NPAS3: variants seen among roughly 807,000 people sequenced by gnomAD.
NPAS3 encodes the protein neuronal PAS domain protein 3.
A neutral mutation model predicts 73.1 loss-of-function variants in NPAS3; 14 were observed. That is an observed-to-expected ratio of 0.19 (90% CI 0.13 to 0.30). The LOEUF is 0.30. Ranked by LOEUF, NPAS3 falls within the 10% of genes least tolerant of loss-of-function variation. The probability of loss-of-function intolerance (pLI) is 1.00; values close to 1 mark genes in which losing one functional copy is unlikely to be tolerated. For synonymous variants in NPAS3, 620 were observed against 541.5 expected, an observed-to-expected ratio of 1.14 and a Z score of -2.01; for missense variants, 1,096 against 1,250.0, an observed-to-expected ratio of 0.88 and a Z score of 1.86.
At chr14:33,582,265 A>C (rs1217184927) in intron 5 of NPAS3, 1 of 152,194 alleles carries the variant, frequency 6.6e-6, no homozygotes, top group African/African-American at 2.4e-5. Flanking sequence ...TTTTTAATAA[A>C]TTGAAGGTGA....
intron 1 of NPAS3, among the ~76,000 whole-genome samples, chr14:33,000,860 C>A (rs945516950): frequency 2.0e-5 from 3 of 152,006 alleles, no homozygotes; most frequent in African/African-American, 7.3e-5. Context: ...CCAGGAAGGA[C>A]AAGGATTAGT....
At chr14:33,494,680 G>A (rs1407129887) in intron 4 of NPAS3, among the ~76,000 whole-genome samples, 3 of 152,044 alleles carry the variant, frequency 2.0e-5, no homozygotes, top group Admixed American at 6.6e-5. Flanking sequence ...TGCTATTACT[G>A]TTGTTTAAAC....
At chr14:33,060,623 C>T (rs2041062960) in intron 2 of NPAS3, among the ~76,000 whole-genome samples, 2 of 152,160 alleles carry the variant, frequency 1.3e-5, no homozygotes, top group South Asian at 2.1e-4. Context: ...TTTTCCAAGC[C>T]CCTTTTTCTC....
At position 33,050,580 on chromosome 14, in the gene NPAS3, G is replaced by A. The variant is rs140042248; in HGVS notation, c.51-5325G>A. The stretch of plus-strand genomic sequence containing the variant: ...AATGACAGAAAAATTCATTTATGAA[G>A]CAAATTTATTCTGATAAATGTTATA... On this transcript the variant is annotated intron_variant, in intron 1 of 11. Transcript: ENST00000356141. Among the ~76,000 whole-genome samples, 6 of 152,268 alleles carry A rather than the reference G, an allele frequency of 3.9e-5. No individual in the cohort carries two copies. The East Asian group carries it at 1.2e-3, about 29-fold the overall frequency.
intron 4 of NPAS3, among the ~76,000 whole-genome samples, chr14:33,494,088 G>A (rs1019040756): frequency 1.3e-5 from 2 of 152,108 alleles, no homozygotes; most frequent in African/African-American, 2.4e-5. Context: ...CTCCACAGTA[G>A]TGTCCTACAT....
At chr14:32,939,886 C>G (rs2035908958) in intron 1 of NPAS3, among the ~76,000 whole-genome samples, 1 of 151,890 alleles carries the variant, frequency 6.6e-6, no homozygotes, top group African/African-American at 2.4e-5. Flanking sequence ...GCGCCAGGCC[C>G]GGAATGTGTC....
chr14:33,330,840 T>G (rs1257980222), intron 3 of NPAS3, among the ~76,000 whole-genome samples: 3 of 152,226 alleles, frequency 2.0e-5, no homozygotes, highest in African/African-American at 7.2e-5. Context: ...GCTTGCAATT[T>G]ATAATTTCCA....
intron 6 of NPAS3, among the ~76,000 whole-genome samples, chr14:33,731,338 G>T (rs2061393397): frequency 6.6e-6 from 1 of 150,776 alleles, no homozygotes; most frequent in Non-Finnish European, 1.5e-5. Context: ...AGAATCGCCT[G>T]AGTCCAGGAG....
intron 5 of NPAS3, among the ~76,000 whole-genome samples, chr14:33,633,506 A>G (rs1188512388): frequency 1.3e-5 from 2 of 152,208 alleles, no homozygotes; most frequent in Non-Finnish European, 2.9e-5. Flanking sequence ...GGCATAGCCT[A>G]CTACACACCT....
At chr14:33,567,940 C>T (rs1249472505) in intron 5 of NPAS3, among the ~76,000 whole-genome samples, 3 of 152,178 alleles carry the variant, frequency 2.0e-5, no homozygotes, top group Admixed American at 6.5e-5. Context: ...AGTTTGTGCA[C>T]AGCGAGCTGT....
At chr14:33,576,150 G>T (rs1332818584) in intron 5 of NPAS3, among the ~76,000 whole-genome samples, 1 of 152,194 alleles carries the variant, frequency 6.6e-6, no homozygotes, top group Non-Finnish European at 1.5e-5. Flanking sequence ...TCCAGCTGAG[G>T]TTATAATGTG....
At chr14:33,565,695 T>A (rs1433716112) in intron 5 of NPAS3, among the ~76,000 whole-genome samples, 1 of 152,128 alleles carries the variant, frequency 6.6e-6, no homozygotes, top group African/African-American at 2.4e-5. Flanking sequence ...CCTAAAGAGC[T>A]GGAATATAAA....
chr14:33,218,954 G>A (rs984853546), intron 3 of NPAS3, among the ~76,000 whole-genome samples: 13 of 152,130 alleles, frequency 8.5e-5, no homozygotes, highest in Non-Finnish European at 1.6e-4. Context: ...TATGTAATAT[G>A]TCCCAAGTCA....
Position 33,654,554 on chromosome 14 carries a change from T to C in NPAS3, c.559-21657T>C, listed in dbSNP as rs187142080. ...CCCAAAAATTTAGGCTCTGCAGCTCTAAGTAAAGACGCATTCCAAATAATA... is the reference window on the plus strand; with the variant it reads ...CCCAAAAATTTAGGCTCTGCAGCTCCAAGTAAAGACGCATTCCAAATAATA... On this transcript the variant is annotated intron_variant, in intron 5 of 11. Transcript: ENST00000356141. Among the ~76,000 whole-genome samples, 445 of 152,308 alleles carry C rather than the reference T, an allele frequency of 2.9e-3. 15 individuals carry two copies. In the East Asian group the frequency reaches 0.073, roughly 25 times the overall value.
intron 6 of NPAS3, among the ~76,000 whole-genome samples, chr14:33,694,904 C>T (rs1290151078): frequency 2.0e-5 from 3 of 152,132 alleles, no homozygotes; most frequent in Admixed American, 1.3e-4. Context: ...TGGTAGAAGC[C>T]TCTTTGTAGC....
chr14:33,192,531 T>C (rs2046207500), intron 2 of NPAS3, among the ~76,000 whole-genome samples: 1 of 152,194 alleles, frequency 6.6e-6, no homozygotes, highest in Admixed American at 6.5e-5. Flanking sequence ...AGCTTGGCCC[T>C]TGGAACCCCT....
rs1555350930 is a variant in NPAS3 at position 33,180,799 on chromosome 14, C to CAAAAAAAAA, written c.141-34381_141-34380insAAAAAAAAA. ...GGGCGACAGAGCGAGACACTGTCTCCAAGAAAAAAAAAAAAAAAAAAAAAA... is the reference window on the plus strand; with the variant it reads ...GGGCGACAGAGCGAGACACTGTCTCCAAAAAAAAAAAGAAAAAAAAAAAAAAAAAAAAAA... On this transcript the variant is annotated intron_variant, in intron 2 of 11. Coordinates refer to ENST00000356141, the Ensembl canonical transcript of NPAS3. 4.2e-4 allele frequency among the ~76,000 whole-genome samples: 29 copies of CAAAAAAAAA among 69,360 alleles called. 4 individuals carry two copies. Among genetic ancestry groups the CAAAAAAAAA allele is most frequent in the African/African-American group, 1.4e-3 (24 of 17,212 alleles). The allele number at this position is 69,360 out of a possible 152,430, so 45.5% of individuals were successfully genotyped here. A position where few individuals can be genotyped will look rare whatever the true frequency, so the allele number is the denominator to read the frequency against.
chr14:33,778,597 T>TA, intron 9 of NPAS3, 25 bp downstream of exon 9: 5 of 1,499,408 alleles, frequency 3.3e-6, no homozygotes, highest in Non-Finnish European at 4.6e-6. Context: ...TGTGGGGGAA[T>TA]AACCCCGGCT....
intron 1 of NPAS3, among the ~76,000 whole-genome samples, chr14:33,039,412 T>C (rs1032799441): frequency 2.6e-5 from 4 of 152,218 alleles, no homozygotes; most frequent in Admixed American, 6.5e-5. Context: ...GAATTCATCA[T>C]GATTCAGTGT....
Sources: gnomAD v4.1 joint callset for allele counts (sites outside exome capture counted in the v4.1 genomes callset) on GRCh38, gnomAD v4.1.1 for gene constraint, MANE v1.5 for transcripts, NCBI Gene and HGNC (gene_info 2026-07-23, HGNC 2026-07-21) for gene names.